The following FGF10 variants were observed in gnomAD, a reference collection of about 807,000 sequenced individuals.
FGF10 encodes FGF-10.
In FGF10, 2 loss-of-function variants were observed where a neutral mutation model predicts 19.8. That is an observed-to-expected ratio of 0.10 (90% CI 0.04 to 0.32). The LOEUF (loss-of-function observed/expected upper bound fraction) is 0.32, where lower values mean the gene tolerates loss of function less well. FGF10 is among the 10% of genes least tolerant of loss of function. The pLI is 1.00. For missense variants in FGF10, 191 were observed against 246.3 expected (o/e 0.78, Z 1.50); for synonymous variants, 112 against 94.0 (o/e 1.19, Z -1.10).
intron 1 of FGF10, among the ~76,000 whole-genome samples, chr5:44,320,928 C>T (rs1740471230): frequency 6.6e-6 from 1 of 151,886 alleles, no homozygotes; most frequent in South Asian, 2.1e-4. Flanking sequence ...TCAGGCTGGT[C>T]TCAAACTCCT....
At chr5:44,306,213 T>C (rs1260539621) in intron 2 of FGF10, among the ~76,000 whole-genome samples, 1 of 151,998 alleles carries the variant, frequency 6.6e-6, no homozygotes, top group African/African-American at 2.4e-5. Flanking sequence ...CTGGCCAACA[T>C]GGTGAAACCC....
chr5:44,334,022 C>G (rs1740793263), intron 1 of FGF10, among the ~76,000 whole-genome samples: 1 of 151,984 alleles, frequency 6.6e-6, no homozygotes, highest in Admixed American at 6.6e-5. Context: ...TTTTCAGAAA[C>G]AAATGGTCAC....
intron 1 of FGF10, among the ~76,000 whole-genome samples, chr5:44,362,996 T>C (rs953660097): frequency 5.9e-5 from 9 of 151,782 alleles, no homozygotes; most frequent in Non-Finnish European, 1.2e-4. Flanking sequence ...GGGCCTGGCA[T>C]GTAGTAAGTA....
At chr5:44,331,975 T>A (rs1740744599) in intron 1 of FGF10, among the ~76,000 whole-genome samples, 1 of 151,618 alleles carries the variant, frequency 6.6e-6, no homozygotes, top group South Asian at 2.1e-4. Flanking sequence ...TATAAATAAC[T>A]TGAAGGGAAA....
chr5:44,345,182 T>C (rs562866160), intron 1 of FGF10, among the ~76,000 whole-genome samples: 3 of 151,878 alleles, frequency 2.0e-5, no homozygotes. Flanking sequence ...GCAAAATATC[T>C]TGACCTTAAA....
intron 1 of FGF10, among the ~76,000 whole-genome samples, chr5:44,343,501 G>A (rs561003114): frequency 2.4e-4 from 36 of 151,790 alleles, no homozygotes; most frequent in African/African-American, 8.4e-4. Context: ...GCTATGTTGA[G>A]GGTATATGAG....
At chr5:44,354,938 A>G (rs1579928245) in intron 1 of FGF10, among the ~76,000 whole-genome samples, 1 of 151,442 alleles carries the variant, frequency 6.6e-6, no homozygotes, top group African/African-American at 2.4e-5. Context: ...TTAATTAACT[A>G]CCATTATAAT....
In FGF10 at chr5:44,302,282, G is replaced by GCTTCCTTCCTTC. The variant is rs56194673; in HGVS notation, c.*2701_*2712dup. Among the ~76,000 whole-genome samples the GCTTCCTTCCTTC allele has an allele frequency of 2.6e-3, 323 of 122,186 alleles. 3 individuals carry two copies. The highest frequency in any genetic ancestry group is 0.015 in the East Asian group (57 of 3,780). 80.2% of individuals were successfully genotyped at this position (122,186 alleles called of 152,430 possible). A position where few individuals can be genotyped will look rare whatever the true frequency, so the allele number is the denominator to read the frequency against. ...TCTTTCCTTCCTTCCTTCTTTCCTTGCTTCCTTCCTTCCTTCCTTCCTTCC... is the reference window on the plus strand; with the variant it reads ...TCTTTCCTTCCTTCCTTCTTTCCTTGCTTCCTTCCTTCCTTCCTTCCTTCCTTCCTTCCTTCC... On this transcript the variant is annotated 3_prime_UTR_variant, in exon 3 of 3. Coordinates refer to ENST00000264664, the MANE Select transcript of FGF10 (RefSeq NM_004465.2).
intron 1 of FGF10, among the ~76,000 whole-genome samples, chr5:44,339,447 T>G (rs1040846580): frequency 3.3e-5 from 5 of 152,206 alleles, no homozygotes; most frequent in African/African-American, 1.2e-4. Context: ...AAAAAAACTT[T>G]TAGCATAAGG....
At chr5:44,375,453 A>G (rs1741831968) in intron 1 of FGF10, among the ~76,000 whole-genome samples, 1 of 152,176 alleles carries the variant, frequency 6.6e-6, no homozygotes, top group Non-Finnish European at 1.5e-5. Flanking sequence ...GCAAGGCTGA[A>G]CAGGAAGGGA....
At chr5:44,366,666 A>G (rs1306601316) in intron 1 of FGF10, among the ~76,000 whole-genome samples, 1 of 152,054 alleles carries the variant, frequency 6.6e-6, no homozygotes, top group African/African-American at 2.4e-5. Context: ...CTTCAAAAGC[A>G]AAAAAGCAAA....
At chr5:44,365,930 C>T (rs942377673) in intron 1 of FGF10, among the ~76,000 whole-genome samples, 1 of 151,750 alleles carries the variant, frequency 6.6e-6, no homozygotes. Context: ...AGTTGGGGCA[C>T]CACTGACCAC....
intron 1 of FGF10, among the ~76,000 whole-genome samples, chr5:44,347,482 G>A (rs17234191): frequency 0.11 from 16,260 of 151,760 alleles, 1,193 homozygotes; most frequent in Non-Finnish European, 0.16. Context: ...TCTTAGGGCA[G>A]TATGAATAGA....
intron 1 of FGF10, among the ~76,000 whole-genome samples, chr5:44,325,058 G>C (rs915797447): frequency 6.6e-6 from 1 of 152,062 alleles, no homozygotes; most frequent in East Asian, 1.9e-4. Context: ...ATCAAATTTA[G>C]TGTCATAATA....
intron 1 of FGF10, among the ~76,000 whole-genome samples, chr5:44,365,991 A>C (rs1326235586): frequency 6.6e-6 from 1 of 151,804 alleles, no homozygotes; most frequent in African/African-American, 2.4e-5. Context: ...TTTCCTCCCC[A>C]TTTATTGGTG....
At chr5:44,308,224 T>C (rs1740128276) in intron 2 of FGF10, among the ~76,000 whole-genome samples, 1 of 152,168 alleles carries the variant, frequency 6.6e-6, no homozygotes, top group Non-Finnish European at 1.5e-5. Context: ...ATGAGCTGTG[T>C]TGGGGCAGAA....
intron 1 of FGF10, among the ~76,000 whole-genome samples, chr5:44,337,684 G>C (rs568683325): frequency 1.6e-4 from 24 of 152,304 alleles, no homozygotes; most frequent in Admixed American, 8.5e-4. Context: ...GCTCACGCCT[G>C]TAATCCCAGC....
At chr5:44,360,230 T>A (rs1741449328) in intron 1 of FGF10, among the ~76,000 whole-genome samples, 1 of 151,628 alleles carries the variant, frequency 6.6e-6, no homozygotes, top group Admixed American at 6.6e-5. Context: ...ATCAGAAGAA[T>A]CTTTAATTAA....
At chr5:44,321,219 C>T (rs79006965) in intron 1 of FGF10, among the ~76,000 whole-genome samples, 2,023 of 152,194 alleles carry the variant, frequency 0.013, 87 homozygotes, top group East Asian at 0.12. Context: ...GGCACATGTT[C>T]CTCTTTCAGC....
Sources: gnomAD v4.1 joint callset for allele counts (sites outside exome capture counted in the v4.1 genomes callset) on GRCh38, gnomAD v4.1.1 for gene constraint, MANE v1.5 for transcripts, NCBI Gene and HGNC (gene_info 2026-07-23, HGNC 2026-07-21) for gene names.